GLRA2: variants seen among roughly 807,000 people sequenced by gnomAD.
GLRA2 encodes the protein glycine receptor subunit alpha-2.
A neutral mutation model predicts 31.6 loss-of-function variants in GLRA2; 11 were observed. That is an observed-to-expected ratio of 0.35 (90% CI 0.22 to 0.58). The LOEUF is 0.58. Ranked by LOEUF, GLRA2 falls within the 20% of genes least tolerant of loss-of-function variation. The probability of loss-of-function intolerance (pLI) is 0.84; values close to 1 mark genes in which losing one functional copy is unlikely to be tolerated. For missense variants in GLRA2, 212 were observed against 351.8 expected (o/e 0.60, Z 3.18); for synonymous variants, 132 against 134.0 (o/e 0.99, Z 0.10).
At chrX:14,451,492 AG>A in the GLRA2 span, among the ~76,000 whole-genome samples, 2 of 108,941 alleles carry the variant, frequency 1.8e-5, no homozygotes, top group African/African-American at 6.7e-5. Flanking sequence ...TAGCCAAGCA[AG>A]GCAGTGTGCG....
chrX:14,525,516 T>C (rs1026165421), upstream of GLRA2, among the ~76,000 whole-genome samples: 1 of 111,575 alleles, frequency 9.0e-6, no homozygotes. Flanking sequence ...TTTTCAAGAG[T>C]ATTCTACATA....
At chrX:14,686,002 G>C (rs1340698188) in intron 7 of GLRA2, among the ~76,000 whole-genome samples, 2 of 111,673 alleles carry the variant, frequency 1.8e-5, no homozygotes, top group Non-Finnish European at 1.9e-5. Flanking sequence ...AGAGATTCTG[G>C]TATGTTGTGT....
chrX:14,646,326 G>A (rs1377001627), intron 7 of GLRA2, among the ~76,000 whole-genome samples: 2 of 111,816 alleles, frequency 1.8e-5, no homozygotes, highest in Non-Finnish European at 3.8e-5. Context: ...ACAAAATACT[G>A]TACTTGTATT....
At chrX:14,640,883 A>C (rs1405089648) in intron 7 of GLRA2, among the ~76,000 whole-genome samples, 1 of 110,888 alleles carries the variant, frequency 9.0e-6, no homozygotes, top group Non-Finnish European at 1.9e-5. Flanking sequence ...ATATATATAT[A>C]TATAGGAGTA....
chrX:14,589,896 T>C (rs1221721141), intron 4 of GLRA2, among the ~76,000 whole-genome samples: 1 of 110,060 alleles, frequency 9.1e-6, no homozygotes, highest in African/African-American at 3.3e-5. Context: ...GAGCTTGAGC[T>C]TTGTTTCCAG....
chrX:14,634,653 A>G (rs1457407711), intron 7 of GLRA2, among the ~76,000 whole-genome samples: 1 of 111,831 alleles, frequency 8.9e-6, no homozygotes, highest in Non-Finnish European at 1.9e-5. Flanking sequence ...AAAATATTGC[A>G]TGGTTAGTAA....
At chrX:14,502,576 C>T in the GLRA2 span, among the ~76,000 whole-genome samples, 1 of 111,310 alleles carries the variant, frequency 9.0e-6, no homozygotes, top group African/African-American at 3.3e-5. Flanking sequence ...AACCATTGCT[C>T]CTAGTAGAAA....
the GLRA2 span, among the ~76,000 whole-genome samples, chrX:14,454,147 T>A: frequency 2.1e-5 from 2 of 94,029 alleles, no homozygotes; most frequent in Non-Finnish European, 4.2e-5. Context: ...GATAAACTTG[T>A]ATAGAACTAA....
chrX:14,497,518 G>A, the GLRA2 span, among the ~76,000 whole-genome samples: 4 of 110,891 alleles, frequency 3.6e-5, no homozygotes, highest in African/African-American at 1.3e-4. Flanking sequence ...ACAAAATGTG[G>A]TGGTCCTGGG....
chrX:14,517,674 G>C, the GLRA2 span, among the ~76,000 whole-genome samples: 1 of 111,207 alleles, frequency 9.0e-6, no homozygotes, highest in Non-Finnish European at 1.9e-5. Flanking sequence ...ATGAGATTTG[G>C]GTGGGGACAC....
At chrX:14,450,434 G>A in the GLRA2 span, among the ~76,000 whole-genome samples, 1 of 111,611 alleles carries the variant, frequency 9.0e-6, no homozygotes, top group Non-Finnish European at 1.9e-5. Flanking sequence ...GCCAGTAATT[G>A]TAGGGGGCTC....
intron 8 of GLRA2, among the ~76,000 whole-genome samples, chrX:14,696,145 G>A (rs868388237): frequency 3.9e-5 from 4 of 103,234 alleles, no homozygotes; most frequent in Non-Finnish European, 7.9e-5. Flanking sequence ...GAAGAAGGAA[G>A]GAAGAAAGAA....
At chrX:14,617,107 A>C (rs1176640722) in intron 7 of GLRA2, among the ~76,000 whole-genome samples, 1 of 111,888 alleles carries the variant, frequency 8.9e-6, no homozygotes, top group Non-Finnish European at 1.9e-5. Context: ...TATCCAAGCT[A>C]GGCTTTTGCT....
chrX:14,715,073 GAA>G (rs748814175), intron 8 of GLRA2, among the ~76,000 whole-genome samples: 3 of 111,954 alleles, frequency 2.7e-5, no homozygotes, highest in South Asian at 3.6e-4. Flanking sequence ...ATACATAAAT[GAA>G]AAAAAGTCTT....
At chrX:14,687,286 C>T (rs1398702024) in intron 7 of GLRA2, among the ~76,000 whole-genome samples, 6 of 111,471 alleles carry the variant, frequency 5.4e-5, no homozygotes, top group Non-Finnish European at 9.4e-5. Flanking sequence ...CCTGTCTTGG[C>T]GTTGCTCTTC....
At chrX:14,707,214 T>G in intron 8 of GLRA2, among the ~76,000 whole-genome samples, 1 of 111,512 alleles carries the variant, frequency 9.0e-6, no homozygotes, top group Non-Finnish European at 1.9e-5. Flanking sequence ...AAGCATGACA[T>G]AGTGACACAT....
the GLRA2 span, among the ~76,000 whole-genome samples, chrX:14,493,419 A>G: frequency 1.8e-5 from 2 of 108,136 alleles, no homozygotes; most frequent in African/African-American, 6.7e-5. Flanking sequence ...TAAAAAGGCT[A>G]CATTCACAGA....
At chrX:14,532,916 TCAA>T (rs199923002) in intron 2 of GLRA2, among the ~76,000 whole-genome samples, 3,537 of 111,721 alleles carry the variant, frequency 0.032, 73 homozygotes, top group Non-Finnish European at 0.053. Flanking sequence ...TTATTTGAAA[TCAA>T]CAAAGATCAC....
At chrX:14,499,501 A>G in the GLRA2 span, among the ~76,000 whole-genome samples, 1 of 111,669 alleles carries the variant, frequency 9.0e-6, no homozygotes, top group Non-Finnish European at 1.9e-5. Flanking sequence ...AATGTGGTAC[A>G]TATACACCAT....
Sources: gnomAD v4.1 joint callset for allele counts (sites outside exome capture counted in the v4.1 genomes callset) on GRCh38, gnomAD v4.1.1 for gene constraint, MANE v1.5 for transcripts, NCBI Gene and HGNC (gene_info 2026-07-23, HGNC 2026-07-21) for gene names.